Variants in DMD observed in about 807,000 individuals in gnomAD.
The protein encoded by DMD is mutant dystrophin.
Under a neutral mutation model 330.1 loss-of-function variants are expected in DMD, and 63 were observed. The observed-to-expected ratio is 0.19, with a 90% CI of 0.16 to 0.24. The LOEUF is 0.24. Among genes scored for constraint, DMD ranks in the 10% least tolerant of loss-of-function variants. The pLI is 1.00. For synonymous variants in DMD, 1,223 were observed against 959.8 expected, an observed-to-expected ratio of 1.27 and a Z score of -5.07; for missense variants, 3,344 against 2,684.1, an observed-to-expected ratio of 1.25 and a Z score of -5.43.
intron 2 of DMD, among the ~76,000 whole-genome samples, chrX:32,938,947 C>T (rs1003520638): frequency 9.1e-6 from 1 of 110,399 alleles, no homozygotes; most frequent in African/African-American, 3.3e-5. Context: ...ACATTATAAA[C>T]TTTAAGAGAA....
At chrX:32,617,768 A>T (rs1195476017) in intron 11 of DMD, among the ~76,000 whole-genome samples, 1 of 111,428 alleles carries the variant, frequency 9.0e-6, no homozygotes, top group Non-Finnish European at 1.9e-5. Flanking sequence ...TAAAATTAAA[A>T]ATTAACAGAG....
intron 1 of DMD, among the ~76,000 whole-genome samples, chrX:33,238,760 A>G (rs1335620407): frequency 9.0e-6 from 1 of 111,562 alleles, no homozygotes; most frequent in Non-Finnish European, 1.9e-5. Flanking sequence ...ATATGCTTTT[A>G]GTATCATAAT....
At chrX:31,474,548 C>CAA (rs201882496) in intron 59 of DMD, among the ~76,000 whole-genome samples, 1 of 90,074 alleles carries the variant, frequency 1.1e-5, no homozygotes, top group African/African-American at 4.2e-5. Context: ...CTAAAAAATA[C>CAA]AAAAAAAAAA....
Position 32,422,667 on chromosome X carries a change from A to T in DMD, c.4072-10754T>A, listed in dbSNP as rs187969376. On this transcript the variant is annotated intron_variant, in intron 29 of 78. Coordinates refer to ENST00000357033, the MANE Select transcript of DMD (RefSeq NM_004006.3). Reference sequence around the variant, plus strand: ...ATAAATATATGCATTTTATGATTTAAAAGACAGCATGATGAACTTGAAAAA... The same window carrying T: ...ATAAATATATGCATTTTATGATTTATAAGACAGCATGATGAACTTGAAAAA... Among the ~76,000 whole-genome samples, 304 of 112,046 alleles carry T rather than the reference A, an allele frequency of 2.7e-3. 1 individual carries two copies. The highest frequency in any genetic ancestry group is 4.4e-3 in the Non-Finnish European group (233 of 53,121).
intron 44 of DMD, among the ~76,000 whole-genome samples, chrX:31,985,524 A>C (rs1324461781): frequency 1.8e-5 from 2 of 112,653 alleles, no homozygotes; most frequent in East Asian, 5.5e-4. Context: ...CGACATTTAA[A>C]TTTTGATTGA....
intron 19 of DMD, among the ~76,000 whole-genome samples, chrX:32,499,609 C>T (rs1032221890): frequency 9.0e-6 from 1 of 111,376 alleles, no homozygotes; most frequent in Non-Finnish European, 1.9e-5. Flanking sequence ...ATTATATCTC[C>T]ATAGCCTAAG....
intron 74 of DMD, among the ~76,000 whole-genome samples, chrX:31,156,690 T>C (rs2038162049): frequency 8.9e-6 from 1 of 112,355 alleles, no homozygotes; most frequent in African/African-American, 3.2e-5. Context: ...TGTTGGTTAC[T>C]ATTATTATTG....
At chrX:31,939,296 G>A (rs1049829945) in intron 45 of DMD, among the ~76,000 whole-genome samples, 2 of 111,703 alleles carry the variant, frequency 1.8e-5, no homozygotes, top group African/African-American at 6.5e-5. Context: ...GTAGACATTT[G>A]TTCATTTTCC....
chrX:32,179,321 T>C (rs2096919182), intron 44 of DMD, among the ~76,000 whole-genome samples: 1 of 111,639 alleles, frequency 9.0e-6, no homozygotes, highest in Non-Finnish European at 1.9e-5. Flanking sequence ...AGAGCCAACA[T>C]AATGATCTGA....
At chrX:31,580,938 C>T (rs1603400565) in intron 55 of DMD, among the ~76,000 whole-genome samples, 1 of 112,037 alleles carries the variant, frequency 8.9e-6, no homozygotes, top group African/African-American at 3.2e-5. Context: ...ACATTGTAAA[C>T]CCTCAAGAAT....
chrX:32,722,325 A>G (rs1321200358), intron 7 of DMD, among the ~76,000 whole-genome samples: 1 of 111,264 alleles, frequency 9.0e-6, no homozygotes, highest in Non-Finnish European at 1.9e-5. Flanking sequence ...AAGTAAAAAT[A>G]ATATATGGTA....
intron 54 of DMD, among the ~76,000 whole-genome samples, chrX:31,649,848 A>G (rs1176391502): frequency 8.9e-6 from 1 of 111,760 alleles, no homozygotes; most frequent in Non-Finnish European, 1.9e-5. Flanking sequence ...AAATCCTCTC[A>G]GTCCTTAAAA....
intron 12 of DMD, among the ~76,000 whole-genome samples, chrX:32,607,004 G>T (rs1166009083): frequency 4.6e-5 from 5 of 109,272 alleles, no homozygotes; most frequent in Non-Finnish European, 9.7e-5. Flanking sequence ...AGGCTGGTAG[G>T]GGGGTGAGGG....
At chrX:31,873,599 T>C (rs2093925313) in intron 48 of DMD, among the ~76,000 whole-genome samples, 1 of 112,288 alleles carries the variant, frequency 8.9e-6, no homozygotes, top group Non-Finnish European at 1.9e-5. Context: ...TTATCCTTTT[T>C]ACTCTGAAGT....
At chrX:31,365,800 T>C (rs1412195698) in intron 60 of DMD, among the ~76,000 whole-genome samples, 1 of 112,792 alleles carries the variant, frequency 8.9e-6, no homozygotes, top group Non-Finnish European at 1.9e-5. Flanking sequence ...GGAGAGCATG[T>C]TGTCTTGGTC....
At chrX:31,796,869 T>TC (rs1245236595) in intron 50 of DMD, among the ~76,000 whole-genome samples, 2 of 110,721 alleles carry the variant, frequency 1.8e-5, no homozygotes, top group Non-Finnish European at 3.8e-5. Flanking sequence ...GCCTGGCACT[T>TC]CCCCTCTCTC....
intron 2 of DMD, among the ~76,000 whole-genome samples, chrX:32,954,171 AG>A (rs1272975281): frequency 8.9e-6 from 1 of 112,557 alleles, no homozygotes; most frequent in African/African-American, 3.2e-5. Flanking sequence ...CTCATAACAG[AG>A]AACTAGTTCT....
chrX:31,334,631 T>C (rs1173169746), intron 61 of DMD, among the ~76,000 whole-genome samples: 2 of 112,074 alleles, frequency 1.8e-5, no homozygotes, highest in Non-Finnish European at 3.8e-5. Flanking sequence ...TTAATAAATA[T>C]AGGAATGAAT....
chrX:32,020,737 C>G (rs779949662), intron 44 of DMD, among the ~76,000 whole-genome samples: 1 of 112,355 alleles, frequency 8.9e-6, no homozygotes, highest in East Asian at 2.8e-4. Flanking sequence ...GGGTGTTTAC[C>G]TTGCTTAAGT....
Sources: gnomAD v4.1 joint callset for allele counts (sites outside exome capture counted in the v4.1 genomes callset) on GRCh38, gnomAD v4.1.1 for gene constraint, MANE v1.5 for transcripts, NCBI Gene and HGNC (gene_info 2026-07-23, HGNC 2026-07-21) for gene names.